The following ALDH1A1 variants were observed in gnomAD, a reference collection of about 807,000 sequenced individuals.
ALDH1A1 encodes aldehyde dehydrogenase 1 family member A1.
Under a neutral mutation model 62.1 loss-of-function variants are expected in ALDH1A1, and 19 were observed. The ratio of observed to expected loss-of-function variants is 0.31; its 90% confidence interval spans 0.21 to 0.45. The LOEUF (loss-of-function observed/expected upper bound fraction) is 0.45. Among genes scored for constraint, ALDH1A1 ranks in the 20% least tolerant of loss-of-function variants. ALDH1A1 has a pLI of 1.00. For missense variants in ALDH1A1, 521 were observed against 607.1 expected (o/e 0.86, Z 1.49); for synonymous variants, 231 against 215.9 (o/e 1.07, Z -0.61).
At chr9:72,928,397 G>A (rs1005509038) in intron 4 of ALDH1A1, among the ~76,000 whole-genome samples, 11 of 152,144 alleles carry the variant, frequency 7.2e-5, no homozygotes, top group Admixed American at 2.0e-4. Context: ...TATTTGAAAC[G>A]AGTCCGTGTG....
intron 11 of ALDH1A1, among the ~76,000 whole-genome samples, chr9:72,908,559 GAAAGAAAGAAAGAAA>G (rs1829922308): frequency 2.3e-4 from 2 of 8,648 alleles, no homozygotes; most frequent in Admixed American, 1.8e-3. Flanking sequence ...AAAGAAGAAA[GAAAGAAAGAAAGAAA>G]GAAAGAAAGA....
At chr9:72,918,613 C>CTTTT (rs3079046) in intron 8 of ALDH1A1, 107 bp downstream of exon 8, 37 of 279,468 alleles carry the variant, frequency 1.3e-4, no homozygotes, top group African/African-American at 4.2e-4. Flanking sequence ...GAAGCAAATG[C>CTTTT]TTTTTTTTTT....
Position 72,901,221 on chromosome 9 carries a change from T to C in ALDH1A1, c.1493A>G (p.Gln498Arg), listed in dbSNP as rs1305011448. The C allele has an allele frequency of 6.8e-6, 11 of 1,608,288 alleles. No homozygotes were observed. The highest frequency in any genetic ancestry group is 8.5e-6 in the Non-Finnish European group (10 of 1,176,044). The change falls in exon 13 of 13, where the codon CAG becomes CGG. Residue 498 changes from glutamine (Q) to arginine (R), a missense_variant. Transcript: ENST00000297785. Reference sequence around the variant, plus strand: ...CTTGTATTTTCTTTATGAGTTCTTCTGAGAGATTTTCACTGTGACTGTTTT... The same window carrying C: ...CTTGTATTTTCTTTATGAGTTCTTCCGAGAGATTTTCACTGTGACTGTTTT... ...EVKTVTVKIS[Q>R]KNS
intron 5 of ALDH1A1, among the ~76,000 whole-genome samples, chr9:72,925,926 T>C (rs944832082): frequency 2.0e-5 from 3 of 152,214 alleles, no homozygotes; most frequent in African/African-American, 7.2e-5. Context: ...CTGTAAGTTA[T>C]CTAAAAATGT....
intron 1 of ALDH1A1, chr9:72,942,214 T>C: frequency 1.3e-6 from 1 of 765,864 alleles, no homozygotes; most frequent in Non-Finnish European, 1.6e-6. Context: ...CCCATAATTA[T>C]TCTTAGAGTG....
intron 4 of ALDH1A1, 38 bp from the exon 5 acceptor site, chr9:72,927,215 T>C (rs1368732569): frequency 9.6e-6 from 14 of 1,451,050 alleles, no homozygotes; most frequent in South Asian, 1.2e-5. Flanking sequence ...TATAAACAAA[T>C]GTATTTGACA....
chr9:72,947,447 T>A (rs2118581776), intron 1 of ALDH1A1, among the ~76,000 whole-genome samples: 1 of 152,130 alleles, frequency 6.6e-6, no homozygotes, highest in East Asian at 1.9e-4. Context: ...GCTGAAAGAC[T>A]GTTAAGAACA....
chr9:72,928,344 C>A (rs1269580425), intron 4 of ALDH1A1, among the ~76,000 whole-genome samples: 2 of 152,124 alleles, frequency 1.3e-5, no homozygotes, highest in Non-Finnish European at 2.9e-5. Flanking sequence ...ACACACAAAC[C>A]CTTAACTTAG....
At chr9:72,916,642 GA>G (rs1484780452) in intron 9 of ALDH1A1, among the ~76,000 whole-genome samples, 2 of 152,130 alleles carry the variant, frequency 1.3e-5, no homozygotes, top group Non-Finnish European at 2.9e-5. Context: ...GCAGATTGAG[GA>G]AAGCCAAAAA....
intron 11 of ALDH1A1, among the ~76,000 whole-genome samples, chr9:72,908,583 G>C (rs4070549): frequency 1.5e-5 from 2 of 129,100 alleles, no homozygotes; most frequent in African/African-American, 3.0e-5. Context: ...AAGAAAGAAA[G>C]AAAGAAAGAA....
intron 8 of ALDH1A1, among the ~76,000 whole-genome samples, chr9:72,918,402 C>T (rs563960481): frequency 2.0e-5 from 3 of 152,178 alleles, no homozygotes; most frequent in African/African-American, 7.2e-5. Flanking sequence ...CAATGAAATG[C>T]TAATAATCAC....
At chr9:72,932,994 G>A (rs936387080) in intron 2 of ALDH1A1, among the ~76,000 whole-genome samples, 4 of 152,144 alleles carry the variant, frequency 2.6e-5, no homozygotes, top group Admixed American at 2.6e-4. Flanking sequence ...TCTCCCATAT[G>A]GAAAGCACAT....
At chr9:72,937,480 T>C (rs1386031393) in intron 2 of ALDH1A1, among the ~76,000 whole-genome samples, 3 of 152,182 alleles carry the variant, frequency 2.0e-5, no homozygotes, top group Non-Finnish European at 4.4e-5. Context: ...CCTGGCACCG[T>C]TGAAGAGCTC....
intron 1 of ALDH1A1, among the ~76,000 whole-genome samples, chr9:72,941,840 T>C (rs945249328): frequency 1.3e-5 from 2 of 152,188 alleles, no homozygotes; most frequent in Non-Finnish European, 2.9e-5. Context: ...TTATCCTGTA[T>C]AGTTAGAAGC....
intron 2 of ALDH1A1, among the ~76,000 whole-genome samples, chr9:72,936,544 A>G (rs1564638929): frequency 6.6e-6 from 1 of 152,140 alleles, no homozygotes; most frequent in Non-Finnish European, 1.5e-5. Flanking sequence ...GAGCCACTCA[A>G]GCAACTAGAG....
intron 12 of ALDH1A1, among the ~76,000 whole-genome samples, chr9:72,902,264 T>G (rs1829814112): frequency 6.6e-6 from 1 of 152,180 alleles, no homozygotes; most frequent in South Asian, 2.1e-4. Context: ...ATTCTCTATA[T>G]TGTTTTGATA....
intron 2 of ALDH1A1, among the ~76,000 whole-genome samples, chr9:72,938,942 C>A (rs1830379673): frequency 6.6e-6 from 1 of 151,660 alleles, no homozygotes; most frequent in Admixed American, 6.6e-5. Context: ...GGGGTTTCAC[C>A]ATGTTGGTCA....
chr9:72,901,177 T>G lies in ALDH1A1; in HGVS notation c.*31A>C. On this transcript the variant is annotated 3_prime_UTR_variant, in exon 13 of 13. Coordinates refer to ENST00000297785, the MANE Select transcript of ALDH1A1 (RefSeq NM_000689.5). Reference sequence around the variant, plus strand: ...TGACTGTAAGGAGATGCTTAGCTATTGAAGAGCTTCTCTCCACTCTTGTAT... The same window carrying G: ...TGACTGTAAGGAGATGCTTAGCTATGGAAGAGCTTCTCTCCACTCTTGTAT... 8 of 1,516,592 alleles carry G rather than the reference T, an allele frequency of 5.3e-6. No individual in the cohort carries two copies. The highest frequency in any genetic ancestry group is 7.3e-6 in the Non-Finnish European group (8 of 1,093,806). 93.9% of individuals were successfully genotyped at this position (1,516,592 alleles called of 1,614,324 possible).
In ALDH1A1 at chr9:72,952,986, G is replaced by A. The variant is rs748647323; in HGVS notation, c.15C>T (p.Gly5=). 1.9e-6 allele frequency: 3 copies of A among 1,613,130 alleles called. No individual in the cohort carries two copies. The highest frequency in any genetic ancestry group is 2.5e-6 in the Non-Finnish European group (3 of 1,179,332). MSSS[G]TPDLPVLLTD... ...TGAGTAGGACAGGTAAGTCTGGCGT[G>A]CCTGAGGATGACATTTCTGATTCGG... Residue 5 remains glycine (G), a synonymous_variant, in exon 1 of 13, where the codon GGC becomes GGT. Transcript: ENST00000297785.
Sources: allele counts gnomAD v4.1 joint callset (sites outside exome capture counted in the v4.1 genomes callset), GRCh38; gene constraint gnomAD v4.1.1; transcripts MANE v1.5; gene names NCBI Gene and HGNC (gene_info 2026-07-23, HGNC 2026-07-21).